TPP2: variants seen among roughly 807,000 people sequenced by gnomAD.
TPP2 encodes the protein tripeptidyl peptidase 2.
Under a neutral mutation model 155.9 loss-of-function variants are expected in TPP2, and 34 were observed. The ratio of observed to expected loss-of-function variants is 0.22; its 90% CI spans 0.17 to 0.29. The LOEUF is 0.29. TPP2 is among the 10% of genes least tolerant of loss of function. The pLI, the probability that TPP2 is intolerant of heterozygous loss-of-function variation, is 1.00. For synonymous variants in TPP2, 510 were observed against 529.4 expected (o/e 0.96, Z 0.50); for missense variants, 1,028 against 1,522.3 (o/e 0.68, Z 5.40).
intron 17 of TPP2, 130 bp downstream of exon 17, chr13:102,643,506 CA>C (rs1475109350): frequency 4.4e-5 from 41 of 941,406 alleles, no homozygotes; most frequent in East Asian, 9.7e-5. Context: ...TTTTTAATGC[CA>C]AAAAAATGAA....
At chr13:102,615,167 T>C (rs1880621482) in intron 3 of TPP2, among the ~76,000 whole-genome samples, 1 of 152,184 alleles carries the variant, frequency 6.6e-6, no homozygotes, top group African/African-American at 2.4e-5. Flanking sequence ...CAAACAAGAA[T>C]AATGCGTATA....
intron 5 of TPP2, among the ~76,000 whole-genome samples, chr13:102,619,654 A>G (rs1429315519): frequency 6.6e-6 from 1 of 152,188 alleles, no homozygotes; most frequent in East Asian, 1.9e-4. Context: ...GTACTAACTC[A>G]TCTTTCATCA....
chr13:102,641,515 A>C (rs1231527585), intron 16 of TPP2, among the ~76,000 whole-genome samples: 1 of 152,138 alleles, frequency 6.6e-6, no homozygotes, highest in Non-Finnish European at 1.5e-5. Context: ...AGATATATTT[A>C]CATCTGAGAC....
chr13:102,679,344 TCTAA>T lies in TPP2; in HGVS notation c.*1031_*1034del, dbSNP rs1248729992. ...CTTGTATGATTAACTTTTGTGCATA[TCTAA>T]CTTTTTATTATTTTTATCTTTGGCT... On this transcript the variant is annotated 3_prime_UTR_variant, in exon 30 of 30. Transcript: ENST00000376052. 17 of 152,254 alleles carry T rather than the reference TCTAA, an allele frequency of 1.1e-4. No individual in the cohort carries two copies. Among genetic ancestry groups the T allele is most frequent in the East Asian group, 1.9e-4 (1 of 5,202 alleles). The allele number at this position is 152,254 out of a possible 1,614,324, so 9.4% of individuals were successfully genotyped here.
Position 102,643,240 on chromosome 13 carries a change from G to A in TPP2, c.2039G>A (p.Cys680Tyr). The change falls in exon 17 of 30, where the codon TGT (cysteine) becomes TAT (tyrosine). Residue 680 changes from cysteine (C) to tyrosine (Y), a missense_variant. Coordinates refer to ENST00000376052, the MANE Select transcript of TPP2 (RefSeq NM_001330588.2). ...ATWAEVTVCS[C>Y]SSEVSAKFVL... ...ATTTTAGAAGTGACAGTGTGTTCGT[G>A]TTCTTCTGAGGTGTCAGCAAAGTTT... The A allele has an allele frequency of 6.2e-7, 1 of 1,602,464 alleles. No individual in the cohort carries two copies. Among genetic ancestry groups the A allele is most frequent in the Non-Finnish European group, 8.5e-7 (1 of 1,176,438 alleles).
rs748079305 is a variant in TPP2, at chr13:102,633,929, C to T, written c.1245-21C>T. 5.0e-6 allele frequency: 8 copies of T among 1,613,634 alleles called. No individual in the cohort carries two copies. In the Admixed American group the frequency reaches 1.2e-4, roughly 24 times the overall value. On this transcript the variant is annotated intron_variant, in intron 10 of 29. Coordinates refer to ENST00000376052, the MANE Select transcript of TPP2 (RefSeq NM_001330588.2). ...TTTAGCTTTCACCATCCTAAGCAAA[C>T]TTCAATGGCTTTCCATTTAGTGCTG...
chr13:102,640,542 C>T (rs1882685302), intron 16 of TPP2, among the ~76,000 whole-genome samples, 166 bp downstream of exon 16: 1 of 150,144 alleles, frequency 6.7e-6, no homozygotes, highest in Non-Finnish European at 1.5e-5. Flanking sequence ...AGATCTAGTA[C>T]AATTTTGCAT....
chr13:102,637,068 C>G lies in TPP2; in HGVS notation c.1679-14C>G. 2 of 1,561,746 alleles carry G rather than the reference C, an allele frequency of 1.3e-6. No homozygotes were observed. The highest frequency in any genetic ancestry group is 1.7e-6 in the Non-Finnish European group (2 of 1,161,160). On this transcript the variant is annotated splice_polypyrimidine_tract_variant and intron_variant, in intron 13 of 29. Coordinates refer to ENST00000376052, the MANE Select transcript of TPP2 (RefSeq NM_001330588.2). ...AAAATACTCATCTTTAATTTTTGGT[C>G]TTTTTCGTGCCAGAAAACTCTGAAA... is the stretch of plus-strand genomic sequence containing the variant.
Position 102,637,082 on chromosome 13 carries a change from A to G in TPP2, c.1679A>G (p.Glu560Gly). ...GIEPVFPENT[E>G]NSEKISLQLH... The stretch of plus-strand genomic sequence containing the variant: ...TAATTTTTGGTCTTTTTCGTGCCAG[A>G]AAACTCTGAAAAAATATCCCTTCAG... The change falls in exon 14 of 30, where the codon GAA (glutamate) becomes GGA (glycine). Residue 560 changes from glutamate to glycine, a missense_variant and splice_region_variant. By Grantham distance (98) the Glu-to-Gly change is moderately conservative. Transcript: ENST00000376052. 6.3e-7 allele frequency: 1 copy of G among 1,576,408 alleles called. No individual in the cohort carries two copies. Among genetic ancestry groups the G allele is most frequent in the African/African-American group, 1.4e-5 (1 of 72,708 alleles).
intron 6 of TPP2, among the ~76,000 whole-genome samples, chr13:102,624,496 C>G (rs61195498): frequency 1.3e-5 from 2 of 152,078 alleles, no homozygotes; most frequent in Non-Finnish European, 2.9e-5. Context: ...TTTGCTCTCT[C>G]TATTATCCAG....
In TPP2 at chr13:102,627,855, A is replaced by G. The variant is rs1881749888; in HGVS notation, c.947A>G (p.Glu316Gly). ...TGTGLIRAMI[E>G]VINHKCDLVN... ...TCTTAATCTCTTTAATAGATGATAGAAGTTATAAATCATAAGTGTGATCTT... is the reference window on the plus strand; with the variant it reads ...TCTTAATCTCTTTAATAGATGATAGGAGTTATAAATCATAAGTGTGATCTT... The change falls in exon 8 of 30, where the codon GAA (glutamate) becomes GGA (glycine). Residue 316 changes from glutamate to glycine, a missense_variant. Around this residue, in one of 7 missense-constraint regions of TPP2, gnomAD observed 300 missense variants for 398.3 expected, o/e 0.75. Coordinates refer to ENST00000376052, the MANE Select transcript of TPP2 (RefSeq NM_001330588.2). The G allele has an allele frequency of 6.2e-7, 1 of 1,612,492 alleles. No individual in the cohort carries two copies. The highest frequency in any genetic ancestry group is 8.5e-7 in the Non-Finnish European group (1 of 1,179,160).
At chr13:102,621,246 A>G (rs2139458639) in intron 5 of TPP2, among the ~76,000 whole-genome samples, 1 of 152,304 alleles carries the variant, frequency 6.6e-6, no homozygotes, top group Non-Finnish European at 1.5e-5. Context: ...TGCTGTGAGA[A>G]TGTTGTTAAG....
chr13:102,637,012 G>C, intron 13 of TPP2, 70 bp from the exon 14 acceptor site: 1 of 1,496,272 alleles, frequency 6.7e-7, no homozygotes, highest in Non-Finnish European at 8.9e-7. Context: ...TTTTTGGAAA[G>C]ATGTAACATT....
At position 102,648,933 on chromosome 13, in the gene TPP2, T is replaced by G. The variant is rs1421304930; in HGVS notation, c.2655T>G (p.Asp885Glu). The change falls in exon 22 of 30, where the codon GAT becomes GAG. Residue 885 changes from aspartate (D) to glutamate (E), a missense_variant. Around this residue, in one of 7 missense-constraint regions of TPP2, gnomAD observed 179 missense variants for 274.7 expected, o/e 0.65. Coordinates refer to ENST00000376052, the MANE Select transcript of TPP2 (RefSeq NM_001330588.2). ...HQYSLKLEKG[D>E]YTIRLQIRHE... ...ATTCTTTGAAACTGGAGAAAGGAGA[T>G]TATACAATTCGACTACAGATTCGCC... 6.2e-7 allele frequency: 1 copy of G among 1,605,728 alleles called. No homozygotes were observed. Among genetic ancestry groups the G allele is most frequent in the African/African-American group, 1.3e-5 (1 of 74,400 alleles).
rs780994899 is a variant in TPP2 at position 102,618,882 on chromosome 13, A to G, written c.620+36A>G. The G allele has an allele frequency of 2.5e-6, 4 of 1,573,144 alleles. No homozygotes were observed. In the African/African-American group the frequency reaches 4.1e-5, roughly 16 times the overall value. ...TGTATTTTATACATCTTCATTTACA[A>G]ATGTTTTCTTTTCTACTCTGAAAAA... On this transcript the variant is annotated intron_variant, in intron 5 of 29. Transcript: ENST00000376052.
At chr13:102,610,060 G>A (rs1312336206) in intron 2 of TPP2, among the ~76,000 whole-genome samples, 1 of 152,108 alleles carries the variant, frequency 6.6e-6, no homozygotes, top group Non-Finnish European at 1.5e-5. Context: ...TTTCAGGGAT[G>A]TGCAGGTGTT....
intron 27 of TPP2, among the ~76,000 whole-genome samples, chr13:102,669,810 T>G (rs1215049268): frequency 6.6e-6 from 1 of 152,104 alleles, no homozygotes; most frequent in Non-Finnish European, 1.5e-5. Context: ...TGCCATAAGC[T>G]AGGGGGCCAG....
At chr13:102,607,206 G>A (rs909292055) in intron 2 of TPP2, among the ~76,000 whole-genome samples, 16 of 152,170 alleles carry the variant, frequency 1.1e-4, no homozygotes, top group African/African-American at 2.9e-4. Context: ...TTTACGGTGC[G>A]GGTTGAGAAT....
At chr13:102,648,843 T>A in intron 21 of TPP2, 64 bp from the exon 22 acceptor site, 1 of 1,521,982 alleles carries the variant, frequency 6.6e-7, no homozygotes, top group South Asian at 1.3e-5. Flanking sequence ...CTTTATCCTC[T>A]TTCAGTGATT....
Sources: gnomAD v4.1 joint callset for allele counts (sites outside exome capture counted in the v4.1 genomes callset) on GRCh38, gnomAD v4.1.1 for gene constraint, gnomAD v4.1.1 regional missense constraint, MANE v1.5 for transcripts, NCBI Gene and HGNC (gene_info 2026-07-23, HGNC 2026-07-21) for gene names.